Variants in HTR4 observed in about 807,000 individuals in gnomAD.
HTR4 encodes the protein 5-hydroxytryptamine receptor 4, also known as 5-hydroxytryptamine (serotonin) receptor 4, G protein-coupled.
A neutral mutation model predicts 36.8 loss-of-function variants in HTR4; 16 were observed. The ratio of observed to expected loss-of-function variants is 0.43; its 90% CI spans 0.29 to 0.66. The LOEUF (loss-of-function observed/expected upper bound fraction) is 0.66, where lower values mean the gene tolerates loss of function less well. Ranked by LOEUF, HTR4 falls within the 30% of genes least tolerant of loss-of-function variation. The pLI is 0.13. For synonymous variants in HTR4, 189 were observed against 185.1 expected (o/e 1.02, Z -0.17); for missense variants, 438 against 490.9 (o/e 0.89, Z 1.02).
intron 5 of HTR4, among the ~76,000 whole-genome samples, chr5:148,471,317 A>G (rs913636717): frequency 3.3e-5 from 5 of 152,220 alleles, no homozygotes; most frequent in Admixed American, 6.5e-5. Flanking sequence ...TAGCAGGCAT[A>G]TAATACATAA....
At chr5:148,495,874 G>A (rs993151297) in intron 6 of HTR4, among the ~76,000 whole-genome samples, 10 of 152,008 alleles carry the variant, frequency 6.6e-5, no homozygotes, top group Admixed American at 1.3e-4. Context: ...AGGCTGAGGC[G>A]GGTGAATCAC....
intron 1 of HTR4, among the ~76,000 whole-genome samples, chr5:148,644,422 GTTTTTTTTTTTTTTTTT>G (rs1175588280): frequency 9.9e-5 from 4 of 40,582 alleles, no homozygotes; most frequent in Admixed American, 4.5e-4. Flanking sequence ...AAGCTCACAA[GTTTTTTTTTTTTTTTTT>G]TTTTTTTTTT....
Position 148,504,234 on chromosome 5 carries a change from A to G in HTR4, c.1076+5222T>C, listed in dbSNP as rs1757075836. Among the ~76,000 whole-genome samples, 3 of 152,232 alleles carry G rather than the reference A, an allele frequency of 2.0e-5. No individual in the cohort carries two copies. In the South Asian group the frequency reaches 6.2e-4, roughly 31 times the overall value. On this transcript the variant is annotated intron_variant, in intron 6 of 6. Transcript: ENST00000377888. ...TCACACTTATTCCAAAATTGTCCAC[A>G]TAGTTGGAAGTAAAACACTCTTCAG...
intron 2 of HTR4, among the ~76,000 whole-genome samples, chr5:148,606,112 T>C (rs536934195): frequency 6.5e-4 from 99 of 152,242 alleles, no homozygotes; most frequent in African/African-American, 2.3e-3. Flanking sequence ...ACAGATTAAT[T>C]TGGAATTGCA....
At chr5:148,579,378 G>A (rs558169419) in intron 2 of HTR4, among the ~76,000 whole-genome samples, 15 of 152,098 alleles carry the variant, frequency 9.9e-5, no homozygotes, top group South Asian at 6.2e-4. Flanking sequence ...TTGGATTTGC[G>A]TAATTCCCTA....
intron 6 of HTR4, chr5:148,490,822 C>T (rs1035615770): frequency 6.8e-5 from 47 of 689,882 alleles, no homozygotes; most frequent in Admixed American, 1.4e-4. Flanking sequence ...CAGAAGAAGT[C>T]GAATTCCTGT....
intron 2 of HTR4, among the ~76,000 whole-genome samples, chr5:148,565,948 A>C (rs1437644743): frequency 5.9e-5 from 9 of 152,216 alleles, no homozygotes; most frequent in Non-Finnish European, 1.2e-4. Context: ...TTGTCAATGC[A>C]TATCCAGATG....
At chr5:148,557,090 C>CT (rs1759981167) in intron 2 of HTR4, among the ~76,000 whole-genome samples, 1 of 152,038 alleles carries the variant, frequency 6.6e-6, no homozygotes, top group Non-Finnish European at 1.5e-5. Context: ...ACCCTGAGGG[C>CT]TTTTTTGTGC....
At chr5:148,632,385 A>T (rs1753354374) in intron 2 of HTR4, among the ~76,000 whole-genome samples, 1 of 152,156 alleles carries the variant, frequency 6.6e-6, no homozygotes, top group Admixed American at 6.6e-5. Flanking sequence ...AAAGCACAAC[A>T]GTCATTTCGT....
At chr5:148,454,909 T>G (rs1181305790) in intron 5 of HTR4, among the ~76,000 whole-genome samples, 1 of 152,140 alleles carries the variant, frequency 6.6e-6, no homozygotes, top group African/African-American at 2.4e-5. Flanking sequence ...TGTATGAGTC[T>G]TCAAACAAGG....
chr5:148,513,136 G>A (rs78605550), intron 5 of HTR4, among the ~76,000 whole-genome samples: 2,507 of 151,968 alleles, frequency 0.016, 41 homozygotes, highest in Middle Eastern at 0.034. Flanking sequence ...CTACAGGTGT[G>A]AGCCACCACC....
At chr5:148,502,065 G>GAA (rs796374266) in intron 6 of HTR4, among the ~76,000 whole-genome samples, 21 of 113,692 alleles carry the variant, frequency 1.8e-4, no homozygotes, top group Non-Finnish European at 3.2e-4. Context: ...GTCTCAAAAA[G>GAA]AAAAAAAAAA....
chr5:148,504,862 ACACCTC>A lies in HTR4; in HGVS notation c.1076+4588_1076+4593del, dbSNP rs1757117726. Among the ~76,000 whole-genome samples, 11 of 152,348 alleles carry A rather than the reference ACACCTC, an allele frequency of 7.2e-5. No homozygotes were observed. The South Asian group carries it at 2.3e-3, about 32-fold the overall frequency. ...AAACTACCATCAGAGAATACTATAA[ACACCTC>A]TACGCAAATAAACTAGAAAACCTAC... On this transcript the variant is annotated intron_variant, in intron 6 of 6. Transcript: ENST00000377888.
At chr5:148,507,137 A>G (rs947419860) in intron 6 of HTR4, among the ~76,000 whole-genome samples, 4 of 152,076 alleles carry the variant, frequency 2.6e-5, no homozygotes, top group Non-Finnish European at 5.9e-5. Flanking sequence ...ATGTCCATCA[A>G]TGATAGACAG....
At chr5:148,617,348 C>A (rs1282363405) in intron 2 of HTR4, among the ~76,000 whole-genome samples, 1 of 152,234 alleles carries the variant, frequency 6.6e-6, no homozygotes, top group African/African-American at 2.4e-5. Flanking sequence ...GACTACCCAA[C>A]CATGAGCCAA....
At chr5:148,486,767 C>G (rs1402155033) in intron 6 of HTR4, among the ~76,000 whole-genome samples, 3 of 152,122 alleles carry the variant, frequency 2.0e-5, no homozygotes, top group Non-Finnish European at 4.4e-5. Context: ...GCTGGAAACA[C>G]AGGGAGGGTA....
chr5:148,615,472 T>C (rs1252052077), intron 2 of HTR4, among the ~76,000 whole-genome samples: 2 of 137,670 alleles, frequency 1.5e-5, no homozygotes, highest in African/African-American at 5.5e-5. Context: ...TAGGTGGGAA[T>C]TGAACAATGA....
At position 148,483,292 on chromosome 5, in the gene HTR4, C is replaced by A. The variant is rs199568633; in HGVS notation, c.1078G>T (p.Asp360Tyr). 1.2e-6 allele frequency: 2 copies of A among 1,612,158 alleles called. No individual in the cohort carries two copies. Among genetic ancestry groups the A allele is most frequent in the South Asian group, 2.2e-5 (2 of 90,738 alleles). Residue 360 changes from aspartate (D) to tyrosine (Y), a missense_variant and splice_region_variant, in exon 7 of 7, where the codon GAT (aspartate) becomes TAT (tyrosine). Physicochemically the swap from Asp to Tyr is radical, Grantham distance 160. Transcript: ENST00000377888. ...TINGSTHVLRDAVECGGQWES... is the reference protein window; with the variant it reads ...TINGSTHVLRYAVECGGQWES... ...CACTGGCCACCACACTCCACTGCAT[C>A]CCTAGAGAGAGGAGAAGATTACAGA...
chr5:148,651,891 A>G (rs187030486), intron 1 of HTR4, among the ~76,000 whole-genome samples: 26 of 152,308 alleles, frequency 1.7e-4, no homozygotes, highest in Admixed American at 1.7e-3. Context: ...ATCAGTGGCA[A>G]TCAGAGAATT....
Sources: allele counts gnomAD v4.1 joint callset (sites outside exome capture counted in the v4.1 genomes callset), GRCh38; gene constraint gnomAD v4.1.1; transcripts MANE v1.5; gene names NCBI Gene and HGNC (gene_info 2026-07-23, HGNC 2026-07-21).